Variants in GPHN observed in about 807,000 individuals in gnomAD.
The protein encoded by GPHN is gephyrin.
GPHN carries 17 observed loss-of-function variants against 95.5 expected under a neutral mutation model. The observed-to-expected ratio is 0.18, with a 90% CI of 0.12 to 0.27. The LOEUF (loss-of-function observed/expected upper bound fraction) is 0.27. GPHN is among the 10% of genes least tolerant of loss of function. The pLI is 1.00. For synonymous variants in GPHN, 320 were observed against 322.5 expected, an observed-to-expected ratio of 0.99 and a Z score of 0.08; for missense variants, 660 against 978.1, an observed-to-expected ratio of 0.67 and a Z score of 4.34.
chr14:67,168,585 A>G (rs1022475772), intron 20 of GPHN, among the ~76,000 whole-genome samples: 1 of 152,192 alleles, frequency 6.6e-6, no homozygotes, highest in Non-Finnish European at 1.5e-5. Context: ...TAGCAAATAG[A>G]TATATAAAAC....
intron 2 of GPHN, among the ~76,000 whole-genome samples, chr14:66,683,333 T>A (rs1310295231): frequency 3.0e-5 from 1 of 33,530 alleles, no homozygotes. Flanking sequence ...TGTGGAAATA[T>A]ATATATATAT....
At chr14:66,741,772 C>G (rs1218807808) in intron 2 of GPHN, among the ~76,000 whole-genome samples, 1 of 152,206 alleles carries the variant, frequency 6.6e-6, no homozygotes, top group Non-Finnish European at 1.5e-5. Context: ...CCCATAGCCT[C>G]CTTCTAATAT....
intron 1 of GPHN, among the ~76,000 whole-genome samples, chr14:66,570,658 A>G (rs911497717): frequency 3.3e-5 from 5 of 152,130 alleles, no homozygotes; most frequent in African/African-American, 1.2e-4. Flanking sequence ...GACTCAAAGA[A>G]TTGTTCTATT....
intron 4 of GPHN, among the ~76,000 whole-genome samples, chr14:66,842,967 C>A (rs1022811985): frequency 1.6e-4 from 25 of 151,998 alleles, no homozygotes; most frequent in African/African-American, 5.8e-4. Flanking sequence ...ATTACTGTAT[C>A]CTAGATGGAA....
chr14:67,368,068 C>G, the GPHN span, among the ~76,000 whole-genome samples: 1 of 152,038 alleles, frequency 6.6e-6, no homozygotes, highest in Non-Finnish European at 1.5e-5. Context: ...CTTATATTGC[C>G]TGAGAGAAGG....
At chr14:66,869,379 A>G (rs1224545472) in intron 4 of GPHN, among the ~76,000 whole-genome samples, 2 of 152,154 alleles carry the variant, frequency 1.3e-5, no homozygotes, top group East Asian at 3.8e-4. Flanking sequence ...CTCTTGTTAT[A>G]TTTGTAATTA....
chr14:67,437,775 C>A, the GPHN span, among the ~76,000 whole-genome samples: 2 of 152,098 alleles, frequency 1.3e-5, no homozygotes, highest in African/African-American at 4.8e-5. Flanking sequence ...CTAGCTTGAG[C>A]AACCCAAAGA....
intron 9 of GPHN, among the ~76,000 whole-genome samples, chr14:66,980,565 T>A (rs1417223764): frequency 6.6e-6 from 1 of 152,100 alleles, no homozygotes; most frequent in Non-Finnish European, 1.5e-5. Flanking sequence ...CTCTAGTTAG[T>A]GAACAGGAAA....
the GPHN span, among the ~76,000 whole-genome samples, chr14:67,530,107 A>G: frequency 6.6e-6 from 1 of 152,246 alleles, no homozygotes; most frequent in Non-Finnish European, 1.5e-5. Flanking sequence ...CTCTCAAGCC[A>G]TCTGCTTATC....
the GPHN span, among the ~76,000 whole-genome samples, chr14:67,635,582 G>A: frequency 3.3e-5 from 5 of 152,182 alleles, no homozygotes; most frequent in Non-Finnish European, 5.9e-5. Context: ...GGCCGGGCAC[G>A]GCGGCTCACA....
chr14:66,778,958 G>C (rs111501461), intron 3 of GPHN, among the ~76,000 whole-genome samples: 78 of 151,560 alleles, frequency 5.1e-4, no homozygotes, highest in African/African-American at 1.6e-3. Flanking sequence ...TGGCCAGGCT[G>C]GTCTTGAACC....
intron 1 of GPHN, among the ~76,000 whole-genome samples, chr14:66,670,506 T>C (rs2066245467): frequency 6.6e-6 from 1 of 152,034 alleles, no homozygotes; most frequent in Admixed American, 6.6e-5. Context: ...TTAGTAAACG[T>C]TTTCTGCCAG....
chr14:67,148,740 G>A (rs952209892), intron 18 of GPHN, among the ~76,000 whole-genome samples: 1 of 151,220 alleles, frequency 6.6e-6, no homozygotes, highest in Non-Finnish European at 1.5e-5. Context: ...TTTTGTTTTT[G>A]TATTTTTAGT....
chr14:67,342,217 A>G, the GPHN span, among the ~76,000 whole-genome samples: 1 of 116,072 alleles, frequency 8.6e-6, no homozygotes, highest in Non-Finnish European at 1.6e-5. Flanking sequence ...AATAAATAAA[A>G]TAAAATAAAA....
the GPHN span, among the ~76,000 whole-genome samples, chr14:67,726,515 G>A: frequency 6.6e-6 from 1 of 152,204 alleles, no homozygotes; most frequent in African/African-American, 2.4e-5. Flanking sequence ...CAAGCCATGG[G>A]TTGGTCCACG....
intron 3 of GPHN, among the ~76,000 whole-genome samples, chr14:66,820,658 A>G (rs1014151294): frequency 3.3e-5 from 5 of 152,118 alleles, no homozygotes; most frequent in Non-Finnish European, 7.4e-5. Context: ...AATTTTTAAG[A>G]TTTTGAGAAT....
chr14:66,636,073 A>G (rs1322488445), intron 1 of GPHN, among the ~76,000 whole-genome samples: 1 of 152,176 alleles, frequency 6.6e-6, no homozygotes, highest in African/African-American at 2.4e-5. Flanking sequence ...GTAATTTCTC[A>G]CTGGTAAATT....
intron 18 of GPHN, among the ~76,000 whole-genome samples, chr14:67,150,708 T>C (rs1451300370): frequency 6.6e-6 from 1 of 151,918 alleles, no homozygotes; most frequent in Non-Finnish European, 1.5e-5. Flanking sequence ...AGTTTGGGGT[T>C]TGTTTTTTTT....
chr14:66,989,446 A>G (rs1594745705), intron 9 of GPHN, among the ~76,000 whole-genome samples: 1 of 152,016 alleles, frequency 6.6e-6, no homozygotes, highest in East Asian at 1.9e-4. Flanking sequence ...TAAGTTAGTA[A>G]GAGACCAACA....
Sources: gnomAD v4.1 joint callset for allele counts (sites outside exome capture counted in the v4.1 genomes callset) on GRCh38, gnomAD v4.1.1 for gene constraint, MANE v1.5 for transcripts, NCBI Gene and HGNC (gene_info 2026-07-23, HGNC 2026-07-21) for gene names.